WDR54: variants seen among roughly 807,000 people sequenced by gnomAD.
The protein encoded by WDR54 is WD repeat-containing protein 54.
WDR54 carries 44 observed loss-of-function variants against 44.1 expected under a neutral mutation model. The ratio of observed to expected loss-of-function variants is 1.00; its 90% CI spans 0.78 to 1.28. The LOEUF (loss-of-function observed/expected upper bound fraction) is 1.28, where lower values mean the gene tolerates loss of function less well. WDR54 is among the 50% of genes most tolerant of loss of function. The pLI is 0.00. For synonymous variants in WDR54, 169 were observed against 169.8 expected, an observed-to-expected ratio of 1.00 and a Z score of 0.04; for missense variants, 409 against 429.7, an observed-to-expected ratio of 0.95 and a Z score of 0.43.
Position 74,422,641 on chromosome 2 carries a change from AAATT to A in WDR54, c.223-226_223-223del, listed in dbSNP as rs934798314. 47 of 611,674 alleles carry A rather than the reference AAATT, an allele frequency of 7.7e-5. No homozygotes were observed. In the African/African-American group the frequency reaches 8.3e-4, roughly 11 times the overall value. The allele number at this position is 611,674 out of a possible 1,614,324, so 37.9% of individuals were successfully genotyped here. A position where few individuals can be genotyped will look rare whatever the true frequency, so the allele number is the denominator to read the frequency against. ...CTCTTCTCTACTAAGAATACAAAAA[AAATT>A]AACCGGGTGTGGTGGCGTGCACCTG... is the stretch of plus-strand genomic sequence containing the variant. On this transcript the variant is annotated intron_variant, in intron 2 of 9. Transcript: ENST00000348227.
chr2:74,422,890 C>T lies in WDR54; in HGVS notation c.243C>T (p.Pro81=). The T allele has an allele frequency of 6.2e-7, 1 of 1,614,128 alleles. No homozygotes were observed. Among genetic ancestry groups the T allele is most frequent in the South Asian group, 1.1e-5 (1 of 91,086 alleles). The part of the protein sequence containing the change: ...LITQVHWCVL[P]FRVLLVLTSH... The stretch of plus-strand genomic sequence containing the variant: ...TCCAGGTCCACTGGTGTGTCCTCCC[C>T]TTCCGAGTGCTGCTGGTACTCACCT... Residue 81 remains proline (P), a synonymous_variant, in exon 3 of 10, where the codon CCC becomes CCT. Coordinates refer to ENST00000348227, the MANE Select transcript of WDR54 (RefSeq NM_032118.4).
At chr2:74,421,937 C>T (rs894213304) in intron 1 of WDR54, 121 bp downstream of exon 1, 12 of 618,310 alleles carry the variant, frequency 1.9e-5, no homozygotes, top group African/African-American at 1.1e-4. Flanking sequence ...CTGTGTCATC[C>T]CCATTCCTCC....
At position 74,423,319 on chromosome 2, in the gene WDR54, A is replaced by G. The variant is rs1461985925; in HGVS notation, c.286A>G (p.Met96Val). 3.1e-6 allele frequency: 5 copies of G among 1,613,528 alleles called. No homozygotes were observed. The South Asian group carries it at 5.5e-5, about 18-fold the overall frequency. The stretch of plus-strand genomic sequence containing the variant: ...CCTGGTTCTTGCCCCGGTCTTCCAG[A>G]TGTACGAGTCCAATGGCTACACCAT... The part of the protein sequence containing the change: ...LVLTSHRGIQ[M>V]YESNGYTMVY... Residue 96 changes from methionine (M) to valine (V), a missense_variant and splice_region_variant, in exon 4 of 10, where the codon ATG becomes GTG. Physicochemically the swap from Met to Val is conservative, Grantham distance 21 (BLOSUM62 1). Transcript: ENST00000348227.
Position 74,421,816 on chromosome 2 carries a change from G to A in WDR54, c.-2G>A, listed in dbSNP as rs1240489490. ...TCAGGCGAGCCGATCTGGGGCTGCA[G>A]GTGTTACCTCTGATCTAGGCCGGGG... On this transcript the variant is annotated splice_region_variant and 5_prime_UTR_variant, in exon 1 of 10. Transcript: ENST00000348227. 2.5e-5 allele frequency: 17 copies of A among 672,666 alleles called. No individual in the cohort carries two copies. Among genetic ancestry groups the A allele is most frequent in the Non-Finnish European group, 4.6e-5 (17 of 366,836 alleles). The allele number at this position is 672,666 out of a possible 1,614,324, so 41.7% of individuals were successfully genotyped here. A position where few individuals can be genotyped will look rare whatever the true frequency, so the allele number is the denominator to read the frequency against.
intron 3 of WDR54, 28 bp downstream of exon 3, chr2:74,422,960 C>T: frequency 1.9e-6 from 3 of 1,612,150 alleles, no homozygotes; most frequent in South Asian, 1.1e-5. Context: ...CTGCTTGCCC[C>T]ACCAGAGCCT....
At chr2:74,423,746 G>A in intron 5 of WDR54, 109 bp from the exon 6 acceptor site, 1 of 1,530,984 alleles carries the variant, frequency 6.5e-7, no homozygotes, top group Non-Finnish European at 8.9e-7. Context: ...GGAGCAGTGA[G>A]AGGGGGTTTT....
In WDR54 at chr2:74,422,855, T is replaced by G. The variant is rs1277476419; in HGVS notation, c.223-15T>G. On this transcript the variant is annotated splice_polypyrimidine_tract_variant and intron_variant, in intron 2 of 9. Coordinates refer to ENST00000348227, the MANE Select transcript of WDR54 (RefSeq NM_032118.4). ...TGCTTTGATTTTCTCCCTACACTGA[T>G]GCACCTCCCTCCAGGTCCACTGGTG... 1 of 1,612,482 alleles carries G rather than the reference T, an allele frequency of 6.2e-7. No homozygotes were observed. Among genetic ancestry groups the G allele is most frequent in the Non-Finnish European group, 8.5e-7 (1 of 1,178,820 alleles).
intron 7 of WDR54, 46 bp from the exon 8 acceptor site, chr2:74,425,029 G>A (rs1198496340): frequency 1.8e-5 from 29 of 1,614,046 alleles, no homozygotes; most frequent in Non-Finnish European, 2.5e-5. Context: ...AGGCTGGGGA[G>A]TAGGATTTGA....
chr2:74,423,507 G>A lies in WDR54; in HGVS notation c.382G>A (p.Ala128Thr). Residue 128 changes from alanine to threonine, a missense_variant, in exon 5 of 10, where the codon GCC becomes ACC. By Grantham distance (58) the Ala-to-Thr change is moderately conservative. Coordinates refer to ENST00000348227, the MANE Select transcript of WDR54 (RefSeq NM_032118.4). ...VQAVFARGIA[A>T]SGHFICVGTW... Reference sequence around the variant, plus strand: ...GGCTGTGTTTGCCCGGGGAATTGCTGCCAGTGGCCACTTCATCTGTGTGGG... The same window carrying A: ...GGCTGTGTTTGCCCGGGGAATTGCTACCAGTGGCCACTTCATCTGTGTGGG... 1 of 1,613,984 alleles carries A rather than the reference G, an allele frequency of 6.2e-7. No individual in the cohort carries two copies. Among genetic ancestry groups the A allele is most frequent in the South Asian group, 1.1e-5 (1 of 91,072 alleles).
chr2:74,423,692 G>A, intron 5 of WDR54, 161 bp downstream of exon 5: 1 of 1,425,662 alleles, frequency 7.0e-7, no homozygotes. Flanking sequence ...CAGAGGGTCA[G>A]GGTGGGATAA....
chr2:74,423,278 CA>C, intron 3 of WDR54, 40 bp from the exon 4 acceptor site: 3 of 1,607,074 alleles, frequency 1.9e-6, no homozygotes, highest in Non-Finnish European at 2.6e-6. Flanking sequence ...CAGCAGAGGT[CA>C]GTTGGGTTAT....
At chr2:74,424,069 A>C in intron 6 of WDR54, 87 bp downstream of exon 6, 1 of 1,546,870 alleles carries the variant, frequency 6.5e-7, no homozygotes, top group East Asian at 2.3e-5. Flanking sequence ...CTGCCACTAA[A>C]CAGGTGGATG....
At position 74,422,865 on chromosome 2, in the gene WDR54, T is replaced by A. The variant is rs775056371; in HGVS notation, c.223-5T>A. The A allele has an allele frequency of 5.0e-6, 8 of 1,607,910 alleles. No individual in the cohort carries two copies. The highest frequency in any genetic ancestry group is 6.0e-6 in the Non-Finnish European group (7 of 1,176,436). On this transcript the variant is annotated splice_polypyrimidine_tract_variant and splice_region_variant and intron_variant, in intron 2 of 9. Coordinates refer to ENST00000348227, the MANE Select transcript of WDR54 (RefSeq NM_032118.4). ...TTCTCCCTACACTGATGCACCTCCCTCCAGGTCCACTGGTGTGTCCTCCCC... is the reference window on the plus strand; with the variant it reads ...TTCTCCCTACACTGATGCACCTCCCACCAGGTCCACTGGTGTGTCCTCCCC...
At chr2:74,424,436 G>A (rs1417475373) in intron 6 of WDR54, among the ~76,000 whole-genome samples, 2 of 152,128 alleles carry the variant, frequency 1.3e-5, no homozygotes, top group Non-Finnish European at 2.9e-5. Flanking sequence ...TTGAGAACAG[G>A]GTGTATATTT....
intron 2 of WDR54, chr2:74,422,635 C>A: frequency 1.6e-6 from 1 of 608,748 alleles, no homozygotes; most frequent in Non-Finnish European, 2.9e-6. Flanking sequence ...ACTAAGAATA[C>A]AAAAAAAATT....
chr2:74,422,909 C>CTCA lies in WDR54; in HGVS notation c.263_265dup (p.Leu88_Thr89insIle). 14 of 1,614,106 alleles carry CTCA rather than the reference C, an allele frequency of 8.7e-6. No individual in the cohort carries two copies. The highest frequency in any genetic ancestry group is 1.2e-5 in the Non-Finnish European group (14 of 1,180,014). On this transcript the variant is annotated inframe_insertion, in exon 3 of 10. Coordinates refer to ENST00000348227, the MANE Select transcript of WDR54 (RefSeq NM_032118.4). ...CCTCCCCTTCCGAGTGCTGCTGGTA[C>CTCA]TCACCTCACATCGAGGAATACAGGT...
chr2:74,423,589 G>C (rs544590418), intron 5 of WDR54, 58 bp downstream of exon 5: 10 of 1,594,458 alleles, frequency 6.3e-6, no homozygotes, highest in Non-Finnish European at 8.6e-6. Flanking sequence ...CTGTGGCCAG[G>C]AGAATAATGA....
At chr2:74,422,417 T>G (rs1439596829) in intron 2 of WDR54, 42 bp downstream of exon 2, 2 of 1,571,762 alleles carry the variant, frequency 1.3e-6, no homozygotes, top group African/African-American at 1.4e-5. Flanking sequence ...AACCCAGTCC[T>G]ACCCCCAGCC....
chr2:74,424,422 C>T (rs902034317), intron 6 of WDR54, among the ~76,000 whole-genome samples: 2 of 152,164 alleles, frequency 1.3e-5, no homozygotes, highest in Non-Finnish European at 2.9e-5. Context: ...AATTTGCAAA[C>T]CTCTTGAGAA....
Sources: gnomAD v4.1 joint callset for allele counts (sites outside exome capture counted in the v4.1 genomes callset) on GRCh38, gnomAD v4.1.1 for gene constraint, MANE v1.5 for transcripts, NCBI Gene and HGNC (gene_info 2026-07-23, HGNC 2026-07-21) for gene names.